AFG1L: variants seen among roughly 807,000 people sequenced by gnomAD.
AFG1L encodes AFG1-like ATPase.
A neutral mutation model predicts 62.2 loss-of-function variants in AFG1L; 53 were observed. That is an observed-to-expected ratio of 0.85 (90% CI 0.68 to 1.07). The LOEUF (loss-of-function observed/expected upper bound fraction) is 1.07. Among genes scored for constraint, AFG1L ranks in the 50% least tolerant of loss-of-function variants. The pLI, the probability that AFG1L is intolerant of heterozygous loss-of-function variation, is 0.00. For synonymous variants in AFG1L, 228 were observed against 210.3 expected (o/e 1.08, Z -0.73); for missense variants, 555 against 590.5 (o/e 0.94, Z 0.62).
intron 10 of AFG1L, among the ~76,000 whole-genome samples, chr6:108,508,821 A>G (rs1352426607): frequency 6.6e-6 from 1 of 152,200 alleles, no homozygotes; most frequent in Non-Finnish European, 1.5e-5. Context: ...GAATATCGCC[A>G]TATCAACATT....
At chr6:108,324,551 C>G (rs938467931) in intron 2 of AFG1L, among the ~76,000 whole-genome samples, 1 of 152,114 alleles carries the variant, frequency 6.6e-6, no homozygotes, top group African/African-American at 2.4e-5. Flanking sequence ...GTGGGTTCTT[C>G]AAGACTCCCA....
chr6:108,473,205 A>G (rs1327480153), intron 8 of AFG1L, among the ~76,000 whole-genome samples: 1 of 152,224 alleles, frequency 6.6e-6, no homozygotes, highest in Admixed American at 6.5e-5. Context: ...GATATTTCAC[A>G]TGTAATTTCA....
chr6:108,404,618 T>G (rs1781771256), intron 7 of AFG1L, among the ~76,000 whole-genome samples: 1 of 152,168 alleles, frequency 6.6e-6, no homozygotes, highest in Non-Finnish European at 1.5e-5. Flanking sequence ...GGGATACATC[T>G]CTCACTATAA....
At chr6:108,493,295 C>T (rs767558957) in intron 10 of AFG1L, among the ~76,000 whole-genome samples, 8 of 152,218 alleles carry the variant, frequency 5.3e-5, no homozygotes, top group East Asian at 1.9e-4. Context: ...CAGGCTAAAT[C>T]GTCTGGTGGT....
At chr6:108,444,445 T>G (rs1357480898) in intron 7 of AFG1L, among the ~76,000 whole-genome samples, 1 of 152,184 alleles carries the variant, frequency 6.6e-6, no homozygotes, top group East Asian at 1.9e-4. Context: ...AAGATAATGT[T>G]GAAGGTTGCT....
At chr6:108,295,946 G>T (rs1486207800) in intron 1 of AFG1L, 1 of 152,202 alleles carries the variant, frequency 6.6e-6, no homozygotes, top group Non-Finnish European at 1.5e-5. Flanking sequence ...GTGCAAATAT[G>T]ATTTTTGAGT....
intron 1 of AFG1L, among the ~76,000 whole-genome samples, 185 bp from the exon 2 acceptor site, chr6:108,323,640 C>T (rs1277108937): frequency 6.6e-6 from 1 of 152,108 alleles, no homozygotes; most frequent in Non-Finnish European, 1.5e-5. Flanking sequence ...GAATTACAGG[C>T]GTGAGCCACC....
At chr6:108,402,962 T>A (rs971057390) in intron 7 of AFG1L, among the ~76,000 whole-genome samples, 1 of 152,144 alleles carries the variant, frequency 6.6e-6, no homozygotes, top group African/African-American at 2.4e-5. Flanking sequence ...CATTACAATA[T>A]GATTAAGAAT....
At chr6:108,435,122 C>T (rs1339712900) in intron 7 of AFG1L, among the ~76,000 whole-genome samples, 1 of 152,134 alleles carries the variant, frequency 6.6e-6, no homozygotes, top group East Asian at 1.9e-4. Context: ...CGACATTGGA[C>T]AAACGAGATT....
chr6:108,356,761 G>A lies in AFG1L; in HGVS notation c.589G>A (p.Ala197Thr). ...CATGGCTAAATCATATGACCCAATA[G>A]CTCCCATAGCCGAAGAAATCAGCGA... Reference protein sequence around the residue: ...GFMAKSYDPIAPIAEEISEEA... With the variant: ...GFMAKSYDPITPIAEEISEEA... The change falls in exon 5 of 13, where the codon GCT (alanine) becomes ACT (threonine). Residue 197 changes from alanine (A) to threonine (T), a missense_variant. Transcript: ENST00000368977. 1 of 1,613,086 alleles carries A rather than the reference G, an allele frequency of 6.2e-7. No homozygotes were observed. Among genetic ancestry groups the A allele is most frequent in the Non-Finnish European group, 8.5e-7 (1 of 1,179,342 alleles).
At chr6:108,489,269 G>A (rs1410112986) in intron 10 of AFG1L, among the ~76,000 whole-genome samples, 1 of 152,198 alleles carries the variant, frequency 6.6e-6, no homozygotes, top group Non-Finnish European at 1.5e-5. Context: ...GAGAACCACA[G>A]AGGAATAGCC....
intron 5 of AFG1L, among the ~76,000 whole-genome samples, chr6:108,360,469 G>A (rs1183523249): frequency 6.6e-6 from 1 of 152,062 alleles, no homozygotes; most frequent in Non-Finnish European, 1.5e-5. Context: ...GCATAATATA[G>A]CATTCTTGTA....
chr6:108,429,737 A>G (rs1770988415), intron 7 of AFG1L, among the ~76,000 whole-genome samples: 1 of 152,064 alleles, frequency 6.6e-6, no homozygotes, highest in African/African-American at 2.4e-5. Flanking sequence ...CTTTTTGTCT[A>G]GGATTGCTTT....
In AFG1L at chr6:108,425,034, G is replaced by C. The variant is rs528665858; in HGVS notation, c.808-22180G>C. On this transcript the variant is annotated intron_variant, in intron 7 of 12. Coordinates refer to ENST00000368977, the MANE Select transcript of AFG1L (RefSeq NM_145315.5). ...GAGGAAGAAAGCTAAAAATGTTTCA[G>C]TGTATACAGAAGAAGTTACCTGACG... Among the ~76,000 whole-genome samples the C allele has an allele frequency of 1.3e-3, 204 of 152,242 alleles. 1 individual carries two copies. The highest frequency in any genetic ancestry group is 2.1e-3 in the Non-Finnish European group (146 of 68,004).
chr6:108,508,888 G>A (rs1475020156), intron 10 of AFG1L, among the ~76,000 whole-genome samples: 1 of 152,168 alleles, frequency 6.6e-6, no homozygotes, highest in Non-Finnish European at 1.5e-5. Flanking sequence ...TTCTGGACAG[G>A]GAGGAATATT....
chr6:108,295,064 T>A lies in AFG1L; in HGVS notation c.-16T>A, dbSNP rs758865778. The A allele has an allele frequency of 1.9e-6, 3 of 1,610,048 alleles. No homozygotes were observed. In the South Asian group the frequency reaches 3.3e-5, roughly 18 times the overall value. Reference sequence around the variant, plus strand: ...CAATAAAGTTTTCCTCTTCCTCTCCTCGTACGGAGTTCAAGATGGCGGCCT... The same window carrying A: ...CAATAAAGTTTTCCTCTTCCTCTCCACGTACGGAGTTCAAGATGGCGGCCT... On this transcript the variant is annotated 5_prime_UTR_variant, in exon 1 of 13. Coordinates refer to ENST00000368977, the MANE Select transcript of AFG1L (RefSeq NM_145315.5).
chr6:108,484,415 A>G (rs1452506860), intron 10 of AFG1L, among the ~76,000 whole-genome samples: 3 of 152,158 alleles, frequency 2.0e-5, no homozygotes, highest in Non-Finnish European at 4.4e-5. Flanking sequence ...GTCACAAATG[A>G]GCCATAAGTC....
At chr6:108,372,056 C>G (rs1477839399) in intron 6 of AFG1L, among the ~76,000 whole-genome samples, 8 of 151,696 alleles carry the variant, frequency 5.3e-5, no homozygotes, top group Non-Finnish European at 1.2e-4. Context: ...TCACGCCCAG[C>G]CTGTTTAGTT....
chr6:108,328,394 CTTTTG>C (rs949153646), intron 2 of AFG1L, among the ~76,000 whole-genome samples: 3 of 151,926 alleles, frequency 2.0e-5, no homozygotes, highest in African/African-American at 4.8e-5. Flanking sequence ...AAATATATTC[CTTTTG>C]TTTTGTTTTG....
Sources: allele counts gnomAD v4.1 joint callset (sites outside exome capture counted in the v4.1 genomes callset), GRCh38; gene constraint gnomAD v4.1.1; transcripts MANE v1.5; gene names NCBI Gene and HGNC (gene_info 2026-07-23, HGNC 2026-07-21).